The following DTNB variants were observed in gnomAD, a reference collection of about 807,000 sequenced individuals.
DTNB encodes the protein DTN-B.
A neutral mutation model predicts 90.7 loss-of-function variants in DTNB; 63 were observed. The observed-to-expected ratio is 0.69, with a 90% CI of 0.57 to 0.86. The LOEUF (loss-of-function observed/expected upper bound fraction) is 0.86, where lower values mean the gene tolerates loss of function less well. Among genes scored for constraint, DTNB ranks in the 40% least tolerant of loss-of-function variants. The probability of loss-of-function intolerance (pLI) is 0.00; values close to 1 mark genes in which losing one functional copy is unlikely to be tolerated. For synonymous variants in DTNB, 277 were observed against 286.7 expected, an observed-to-expected ratio of 0.97 and a Z score of 0.34; for missense variants, 744 against 807.1, an observed-to-expected ratio of 0.92 and a Z score of 0.95.
chr2:25,493,836 T>C (rs2068135416), intron 9 of DTNB, among the ~76,000 whole-genome samples: 1 of 152,210 alleles, frequency 6.6e-6, no homozygotes, highest in Admixed American at 6.5e-5. Flanking sequence ...TCATCAGTCA[T>C]AGCAACAACA....
At position 25,493,945 on chromosome 2, in the gene DTNB, A is replaced by G. The variant is rs1177814222; in HGVS notation, c.1002-11072T>C. 2.0e-5 allele frequency among the ~76,000 whole-genome samples: 3 copies of G among 152,360 alleles called. No homozygotes were observed. In the East Asian group the frequency reaches 5.8e-4, roughly 29 times the overall value. On this transcript the variant is annotated intron_variant, in intron 9 of 20. Transcript: ENST00000406818. Reference sequence around the variant, plus strand: ...ACATGTAAGACTATTTGTAACAAAGACAACTTAATTATTTCATTTGATATA... The same window carrying G: ...ACATGTAAGACTATTTGTAACAAAGGCAACTTAATTATTTCATTTGATATA...
intron 16 of DTNB, among the ~76,000 whole-genome samples, chr2:25,406,483 C>A (rs994872610): frequency 1.3e-5 from 2 of 149,356 alleles, no homozygotes; most frequent in South Asian, 2.1e-4. Context: ...TGCGGTGAGC[C>A]GAGATCGTGC....
chr2:25,626,174 T>G (rs2074112385), intron 4 of DTNB, among the ~76,000 whole-genome samples: 1 of 152,236 alleles, frequency 6.6e-6, no homozygotes, highest in Admixed American at 6.5e-5. Flanking sequence ...TCCAAGATTT[T>G]AATCTCTGCT....
chr2:25,396,814 C>T (rs1201832345), intron 16 of DTNB, among the ~76,000 whole-genome samples: 3 of 150,016 alleles, frequency 2.0e-5, no homozygotes, highest in Non-Finnish European at 4.4e-5. Context: ...TTCTTTTTTC[C>T]TAACATTAAA....
At chr2:25,492,789 G>A (rs2150481064) in intron 9 of DTNB, among the ~76,000 whole-genome samples, 1 of 152,220 alleles carries the variant, frequency 6.6e-6, no homozygotes, top group Middle Eastern at 3.4e-3. Flanking sequence ...GACTGAGGCT[G>A]TAGTGAGCCG....
intron 9 of DTNB, among the ~76,000 whole-genome samples, chr2:25,515,100 T>C (rs904680294): frequency 2.0e-5 from 3 of 151,866 alleles, no homozygotes; most frequent in African/African-American, 4.8e-5. Flanking sequence ...TTGTTATACA[T>C]AGAAGATGAC....
At position 25,653,511 on chromosome 2, in the gene DTNB, CT is replaced by C. The variant is rs1204796763; in HGVS notation, c.-1-851del. ...TCTTTCTTTCTTTCTTTCTTTCTTTCTTTCTTTTTTTTTTTTTTTTTTGACA... is the reference window on the plus strand; with the variant it reads ...TCTTTCTTTCTTTCTTTCTTTCTTTCTTCTTTTTTTTTTTTTTTTTTGACA... On this transcript the variant is annotated intron_variant, in intron 1 of 20. Coordinates refer to ENST00000406818, the MANE Select transcript of DTNB (RefSeq NM_021907.5). Among the ~76,000 whole-genome samples, 366 of 82,812 alleles carry C rather than the reference CT, an allele frequency of 4.4e-3. 3 individuals carry two copies. The highest frequency in any genetic ancestry group is 0.019 in the African/African-American group (351 of 18,826). 54.3% of individuals were successfully genotyped at this position (82,812 alleles called of 152,430 possible). A position where few individuals can be genotyped will look rare whatever the true frequency, so the allele number is the denominator to read the frequency against.
In DTNB at chr2:25,384,795, C is replaced by T. The variant is rs115712437; in HGVS notation, c.1826-906G>A. 5.3e-3 allele frequency among the ~76,000 whole-genome samples: 808 copies of T among 152,104 alleles called. 6 individuals are homozygous for T. Among genetic ancestry groups the T allele is most frequent in the African/African-American group, 0.019 (777 of 41,482 alleles). ...GATTAGAGTTGATCATGAATGAGCT[C>T]GCTGGAAATATTCAGAGGACTGTTT... On this transcript the variant is annotated intron_variant, in intron 18 of 20. Coordinates refer to ENST00000406818, the MANE Select transcript of DTNB (RefSeq NM_021907.5).
intron 8 of DTNB, among the ~76,000 whole-genome samples, chr2:25,563,650 A>G (rs2058575107): frequency 6.7e-6 from 1 of 149,040 alleles, no homozygotes; most frequent in Non-Finnish European, 1.5e-5. Context: ...AGGGATCCAA[A>G]TTCATTCTTT....
chr2:25,491,792 T>C (rs1416649429), intron 9 of DTNB, among the ~76,000 whole-genome samples: 1 of 152,010 alleles, frequency 6.6e-6, no homozygotes, highest in Non-Finnish European at 1.5e-5. Context: ...GCAATATTTA[T>C]TGAGTGCTTC....
intron 11 of DTNB, among the ~76,000 whole-genome samples, chr2:25,452,706 T>C (rs2150135383): frequency 6.6e-6 from 1 of 152,238 alleles, no homozygotes; most frequent in South Asian, 2.1e-4. Context: ...TGTCTGAACT[T>C]TTCATGTGTA....
chr2:25,571,549 C>T (rs1404487714), intron 8 of DTNB, among the ~76,000 whole-genome samples: 1 of 152,144 alleles, frequency 6.6e-6, no homozygotes, highest in East Asian at 1.9e-4. Context: ...TTCTCTTCCC[C>T]AGATCTCTGC....
intron 20 of DTNB, among the ~76,000 whole-genome samples, chr2:25,377,826 G>C (rs1328008568): frequency 6.6e-6 from 1 of 152,196 alleles, no homozygotes; most frequent in East Asian, 1.9e-4. Context: ...GAGAAGGGCA[G>C]GGAGGACTGA....
chr2:25,587,025 C>T (rs1047527897), intron 6 of DTNB, among the ~76,000 whole-genome samples: 1 of 152,106 alleles, frequency 6.6e-6, no homozygotes, highest in Non-Finnish European at 1.5e-5. Context: ...CAGTGCAACC[C>T]CATGGCCCTG....
At chr2:25,481,114 CA>C (rs1304291154) in intron 10 of DTNB, among the ~76,000 whole-genome samples, 1 of 151,784 alleles carries the variant, frequency 6.6e-6, no homozygotes, top group African/African-American at 2.4e-5. Context: ...AAATTGAAAA[CA>C]AGGCCAGGTA....
intron 10 of DTNB, among the ~76,000 whole-genome samples, chr2:25,468,015 G>A (rs563319890): frequency 2.5e-4 from 38 of 152,178 alleles, no homozygotes; most frequent in African/African-American, 9.2e-4. Context: ...ACCATGTGGT[G>A]GCTGGGAAGT....
At chr2:25,378,190 C>G (rs2036413438) in intron 20 of DTNB, among the ~76,000 whole-genome samples, 1 of 152,168 alleles carries the variant, frequency 6.6e-6, no homozygotes, top group Non-Finnish European at 1.5e-5. Flanking sequence ...CGAGTCAGTT[C>G]CTGATTTCCC....
intron 6 of DTNB, among the ~76,000 whole-genome samples, chr2:25,589,433 T>C (rs1479070875): frequency 1.5e-5 from 2 of 133,204 alleles, no homozygotes; most frequent in African/African-American, 5.7e-5. Flanking sequence ...CAGGCTGGAG[T>C]GCTGTGGTGC....
At chr2:25,593,308 T>C (rs2063910567) in intron 6 of DTNB, among the ~76,000 whole-genome samples, 1 of 152,236 alleles carries the variant, frequency 6.6e-6, no homozygotes, top group Non-Finnish European at 1.5e-5. Flanking sequence ...CATTGTTTTC[T>C]ATCTGATGAC....
Sources: allele counts gnomAD v4.1 joint callset (sites outside exome capture counted in the v4.1 genomes callset), GRCh38; gene constraint gnomAD v4.1.1; transcripts MANE v1.5; gene names NCBI Gene and HGNC (gene_info 2026-07-23, HGNC 2026-07-21).